Variants in MYO18B observed in about 807,000 individuals in gnomAD.
The protein encoded by MYO18B is unconventional myosin-XVIIIb.
In MYO18B, 204 loss-of-function variants were observed where a neutral mutation model predicts 273.0. That is an observed-to-expected ratio of 0.75 (90% CI 0.67 to 0.84). MYO18B has a LOEUF of 0.84. MYO18B is among the 40% of genes least tolerant of loss of function. MYO18B has a pLI of 0.00. For synonymous variants in MYO18B, 1,330 were observed against 1,305.7 expected (o/e 1.02, Z -0.40); for missense variants, 3,212 against 3,287.6 (o/e 0.98, Z 0.56).
intron 33 of MYO18B, among the ~76,000 whole-genome samples, chr22:25,911,495 G>A (rs1364234332): frequency 6.6e-6 from 1 of 152,214 alleles, no homozygotes; most frequent in Admixed American, 6.5e-5. Flanking sequence ...TAACAGCTCT[G>A]AGCTTCTGGA....
At chr22:25,958,151 G>A (rs952393103) in intron 39 of MYO18B, among the ~76,000 whole-genome samples, 1 of 152,026 alleles carries the variant, frequency 6.6e-6, no homozygotes, top group Non-Finnish European at 1.5e-5. Context: ...CTGACCTCAG[G>A]TGATCCACCC....
In MYO18B at chr22:25,921,378, G is replaced by A. The variant is rs752914720; in HGVS notation, c.5486G>A (p.Ser1829Asn). Residue 1829 changes from serine to asparagine, a missense_variant, in exon 34 of 44, where the codon AGC becomes AAC. By Grantham distance (46) the Ser-to-Asn change is conservative (BLOSUM62 1). Coordinates refer to ENST00000335473, the MANE Select transcript of MYO18B (RefSeq NM_032608.7). Reference sequence around the variant, plus strand: ...ATGGAGGATGGCAAGACATCAGTCAGCAAGGAGGAGCTGGAGAAAGTGCAC... The same window carrying A: ...ATGGAGGATGGCAAGACATCAGTCAACAAGGAGGAGCTGGAGAAAGTGCAC... Reference protein sequence around the residue: ...GTMEDGKTSVSKEELEKVHSQ... With the variant: ...GTMEDGKTSVNKEELEKVHSQ... 13 of 1,599,604 alleles carry A rather than the reference G, an allele frequency of 8.1e-6. No homozygotes were observed. The highest frequency in any genetic ancestry group is 1.1e-5 in the Non-Finnish European group (13 of 1,173,206).
chr22:25,838,071 A>G (rs2089959763), intron 17 of MYO18B, among the ~76,000 whole-genome samples: 1 of 152,008 alleles, frequency 6.6e-6, no homozygotes, highest in African/African-American at 2.4e-5. Context: ...TCTCCCAGAA[A>G]ATGTTTTAAT....
intron 39 of MYO18B, among the ~76,000 whole-genome samples, chr22:25,973,374 C>A (rs2093055887): frequency 6.6e-6 from 1 of 152,206 alleles, no homozygotes; most frequent in African/African-American, 2.4e-5. Context: ...AACCTTCAGA[C>A]CATAGAAATA....
intron 1 of MYO18B, among the ~76,000 whole-genome samples, chr22:25,748,928 G>T (rs2085858715): frequency 6.6e-6 from 1 of 152,242 alleles, no homozygotes; most frequent in Admixed American, 6.5e-5. Flanking sequence ...GGGTGAAGTA[G>T]GCTGGACTTT....
rs1219028043 is a variant in MYO18B, at chr22:26,026,520, C to A, written c.6546C>A (p.Val2182=). The part of the protein sequence containing the change: ...LALSRARSTN[V]HSKTSGDKPV... ...TGAGCAGAGCCCGGTCCACCAATGT[C>A]CACAGCAAGACCTCAGGAGACAAGC... Residue 2182 remains valine (V), a synonymous_variant, in exon 43 of 44, where the codon GTC becomes GTA. Transcript: ENST00000335473. 6.2e-7 allele frequency: 1 copy of A among 1,613,934 alleles called. No individual in the cohort carries two copies. Among genetic ancestry groups the A allele is most frequent in the Admixed American group, 1.7e-5 (1 of 60,026 alleles).
intron 7 of MYO18B, among the ~76,000 whole-genome samples, chr22:25,772,813 A>G (rs909560202): frequency 6.6e-6 from 1 of 152,232 alleles, no homozygotes; most frequent in African/African-American, 2.4e-5. Flanking sequence ...ACCTTCTTGT[A>G]TTAACTCAGT....
chr22:25,976,764 C>T (rs1331295818), intron 39 of MYO18B, among the ~76,000 whole-genome samples: 1 of 152,070 alleles, frequency 6.6e-6, no homozygotes, highest in Non-Finnish European at 1.5e-5. Flanking sequence ...AAGAACATAT[C>T]TAATAATACA....
chr22:25,889,756 A>G (rs578219242), intron 25 of MYO18B, among the ~76,000 whole-genome samples: 16 of 152,134 alleles, frequency 1.1e-4, no homozygotes, highest in Admixed American at 9.8e-4. Context: ...AGCCCTGCTC[A>G]TTTGGCATCG....
At chr22:25,795,380 G>A (rs574242733) in intron 11 of MYO18B, among the ~76,000 whole-genome samples, 31 of 152,266 alleles carry the variant, frequency 2.0e-4, no homozygotes, top group Non-Finnish European at 4.3e-4. Context: ...CATGTCTTCT[G>A]TTCAGAAAAA....
At chr22:25,759,392 A>C (rs999634870) in intron 1 of MYO18B, among the ~76,000 whole-genome samples, 2 of 150,760 alleles carry the variant, frequency 1.3e-5, no homozygotes, top group Non-Finnish European at 3.0e-5. Flanking sequence ...ATGAAGCTGG[A>C]AACCATCATT....
At chr22:25,935,609 C>T (rs922735403) in intron 34 of MYO18B, among the ~76,000 whole-genome samples, 3 of 151,762 alleles carry the variant, frequency 2.0e-5, no homozygotes, top group Admixed American at 2.0e-4. Context: ...AAAAAAAAAC[C>T]CTGTGTCTTA....
At chr22:25,865,419 G>T (rs1381345395) in intron 21 of MYO18B, among the ~76,000 whole-genome samples, 1 of 152,196 alleles carries the variant, frequency 6.6e-6, no homozygotes, top group African/African-American at 2.4e-5. Context: ...ATGTGCTTTG[G>T]CAGGGTTTGA....
At chr22:26,052,795 GTT>G in the MYO18B span, among the ~76,000 whole-genome samples, 1 of 141,984 alleles carries the variant, frequency 7.0e-6, no homozygotes, top group Non-Finnish European at 1.5e-5. Context: ...GAATTGGGTG[GTT>G]TTTTTTTTTG....
At chr22:25,923,376 A>G (rs1601586333) in intron 34 of MYO18B, among the ~76,000 whole-genome samples, 1 of 152,102 alleles carries the variant, frequency 6.6e-6, no homozygotes, top group East Asian at 1.9e-4. Context: ...TATCCTCTTC[A>G]TGGCCATGTC....
intron 25 of MYO18B, among the ~76,000 whole-genome samples, chr22:25,888,376 C>T (rs1397361354): frequency 6.6e-6 from 1 of 152,132 alleles, no homozygotes; most frequent in Non-Finnish European, 1.5e-5. Flanking sequence ...ATCCTCCTGC[C>T]TCAGCTTCCA....
rs1283743840 is a variant in MYO18B at position 26,026,793 on chromosome 22, G to C, written c.6819G>C (p.Glu2273Asp). 9 of 1,602,330 alleles carry C rather than the reference G, an allele frequency of 5.6e-6. No homozygotes were observed. The highest frequency in any genetic ancestry group is 7.7e-6 in the Non-Finnish European group (9 of 1,174,742). The change falls in exon 43 of 44, where the codon GAG becomes GAC. Residue 2273 changes from glutamate (E) to aspartate (D), a missense_variant. Coordinates refer to ENST00000335473, the MANE Select transcript of MYO18B (RefSeq NM_032608.7). ...GCCAGGGGTCCACGCTGGGCCTAGA[G>C]GACTGGCCCACTCTCCCCATTTACC... ...QRGQGSTLGL[E>D]DWPTLPIYQT...
In MYO18B at chr22:25,797,960, A is replaced by G. The variant is rs772733968; in HGVS notation, c.2384A>G (p.Asp795Gly). Residue 795 changes from aspartate (D) to glycine (G), a missense_variant, in exon 12 of 44, where the codon GAT becomes GGT. Asp to Gly is a moderately conservative substitution (Grantham distance 94). Transcript: ENST00000335473. ...FGMGVWSKPE[D>G]KQKAAAAFAQ... ...CTCTCCCTTTGCCCGCAGCCTGAAG[A>G]TAAACAGAAGGCGGCAGCTGCCTTT... is the stretch of plus-strand genomic sequence containing the variant. 8 of 1,613,916 alleles carry G rather than the reference A, an allele frequency of 5.0e-6. No individual in the cohort carries two copies. The highest frequency in any genetic ancestry group is 3.3e-5 in the South Asian group (3 of 91,088).
intron 12 of MYO18B, among the ~76,000 whole-genome samples, chr22:25,817,289 T>C (rs2089064238): frequency 6.6e-6 from 1 of 151,804 alleles, no homozygotes; most frequent in Non-Finnish European, 1.5e-5. Context: ...TCTCTCTTTC[T>C]GTCTCTTTCT....
Sources: gnomAD v4.1 joint callset for allele counts (sites outside exome capture counted in the v4.1 genomes callset) on GRCh38, gnomAD v4.1.1 for gene constraint, MANE v1.5 for transcripts, NCBI Gene and HGNC (gene_info 2026-07-23, HGNC 2026-07-21) for gene names.